Variants in ITFG2 observed in about 807,000 individuals in gnomAD.
The protein encoded by ITFG2 is KICSTOR complex protein ITFG2.
A neutral mutation model predicts 54.4 loss-of-function variants in ITFG2; 36 were observed. That is an observed-to-expected ratio of 0.66 (90% confidence interval 0.51 to 0.87). ITFG2 has a LOEUF of 0.87. Among genes scored for constraint, ITFG2 ranks in the 40% least tolerant of loss-of-function variants. ITFG2 has a pLI of 0.00. For synonymous variants in ITFG2, 211 were observed against 225.4 expected, an observed-to-expected ratio of 0.94 and a Z score of 0.57; for missense variants, 524 against 576.7, an observed-to-expected ratio of 0.91 and a Z score of 0.94.
chr12:2,853,464 G>T (rs534643347), intron 2 of ITFG2, among the ~76,000 whole-genome samples: 3 of 152,122 alleles, frequency 2.0e-5, no homozygotes, highest in African/African-American at 4.8e-5. Flanking sequence ...GTAGAGACGG[G>T]GTTTCACCAT....
downstream of ITFG2, chr12:2,827,151 C>T: frequency 6.2e-7 from 1 of 1,611,978 alleles, no homozygotes; most frequent in Non-Finnish European, 8.5e-7. The surrounding 1 kb of genome is among the most constrained non-coding windows in gnomAD (Gnocchi z 4.0). Context: ...CCGTTCCCCA[C>T]ACGCCTCTTC....
chr12:2,831,026 C>A, downstream of ITFG2: 1 of 579,870 alleles, frequency 1.7e-6, no homozygotes, highest in South Asian at 2.8e-5. Context: ...CAGAGTAAGC[C>A]CCAGTATCAA....
At chr12:2,859,284 T>A (rs1364187816) in intron 3 of ITFG2, 1 of 1,613,522 alleles carries the variant, frequency 6.2e-7, no homozygotes, top group Non-Finnish European at 8.5e-7. Context: ...AGGCAGTAGA[T>A]GCTGTTTTCT....
downstream of ITFG2, chr12:2,827,414 C>A (rs951179123): frequency 5.9e-6 from 9 of 1,519,436 alleles, no homozygotes; most frequent in African/African-American, 1.1e-4. The surrounding 1 kb of genome is among the most constrained non-coding windows in gnomAD (Gnocchi z 4.0). Flanking sequence ...TTTGCTCTTC[C>A]CCCATCCCCA....
intron 2 of ITFG2, among the ~76,000 whole-genome samples, chr12:2,842,979 G>T (rs946294183): frequency 6.6e-6 from 1 of 152,112 alleles, no homozygotes; most frequent in African/African-American, 2.4e-5. Context: ...CATGCCTTCA[G>T]AGATCTTTCC....
In ITFG2 at chr12:2,851,237, C is replaced by T. The variant is rs190884918; in HGVS notation, n.301-6775C>T. Among the ~76,000 whole-genome samples the T allele has an allele frequency of 3.9e-5, 6 of 152,062 alleles. No individual in the cohort carries two copies. In the East Asian group the frequency reaches 1.2e-3, roughly 29 times the overall value. ...GGAGTTTGCAAGACTGGAAGTTGCT[C>T]TGGGTGAGTGAGTGAGTGGAGAGTG... On this transcript the variant is annotated intron_variant and non_coding_transcript_variant, in intron 2 of 3. Coordinates refer to the ITFG2 transcript ENST00000537710.
downstream of ITFG2, chr12:2,828,436 G>C (rs763768091): frequency 1.3e-6 from 2 of 1,583,536 alleles, no homozygotes; most frequent in South Asian, 1.1e-5. Context: ...GAATCGTGGT[G>C]AATCAGTGAG....
downstream of ITFG2, chr12:2,827,821 T>C (rs1603483794): frequency 1.2e-6 from 2 of 1,603,970 alleles, no homozygotes; most frequent in African/African-American, 1.3e-5. The surrounding 1 kb of genome is among the most constrained non-coding windows in gnomAD (Gnocchi z 4.0). Context: ...TCAGAACATC[T>C]CTGGGAACTC....
At chr12:2,826,951 T>G, downstream of ITFG2, 1 of 1,311,260 alleles carries the variant, frequency 7.6e-7, no homozygotes, top group Non-Finnish European at 9.7e-7. Context: ...GGCTTTGCTT[T>G]TCTTGGGAGG....
intron 3 of ITFG2, chr12:2,859,099 TGGA>T (rs2098101548): frequency 4.4e-6 from 7 of 1,605,678 alleles, no homozygotes; most frequent in South Asian, 2.2e-5. Context: ...TTGCTCGGGG[TGGA>T]GGAGATGGGC....
upstream of ITFG2, chr12:2,834,641 C>G (rs1337513835): frequency 3.2e-6 from 5 of 1,585,118 alleles, no homozygotes; most frequent in African/African-American, 6.8e-5. Flanking sequence ...TGATGCCTCA[C>G]CAAGTCCTTG....
chr12:2,831,789 A>G (rs1294612032), downstream of ITFG2, among the ~76,000 whole-genome samples: 4 of 151,314 alleles, frequency 2.6e-5, no homozygotes, highest in Non-Finnish European at 5.9e-5. Context: ...TCAAGATGGG[A>G]TCTTGCTATG....
chr12:2,821,005 G>T lies in ITFG2; in HGVS notation c.695+133G>T, dbSNP rs902655098. 5.6e-5 allele frequency: 53 copies of T among 938,514 alleles called. No individual in the cohort carries two copies. In the African/African-American group the frequency reaches 8.0e-4, roughly 14 times the overall value. The allele number at this position is 938,514 out of a possible 1,614,324, so 58.1% of individuals were successfully genotyped here. Reference sequence around the variant, plus strand: ...TCTAGGTCCCAACCCAAGCACCTTTGCCCCACTGGGGAAGATTACTTTAAG... The same window carrying T: ...TCTAGGTCCCAACCCAAGCACCTTTTCCCCACTGGGGAAGATTACTTTAAG... On this transcript the variant is annotated intron_variant, in intron 6 of 11. Coordinates refer to ENST00000228799, the MANE Select transcript of ITFG2 (RefSeq NM_018463.4).
intron 2 of ITFG2, among the ~76,000 whole-genome samples, chr12:2,842,748 A>C (rs2098044521): frequency 1.3e-5 from 2 of 152,046 alleles, no homozygotes; most frequent in South Asian, 2.1e-4. Flanking sequence ...AACAAACAAA[A>C]AATTTTAATT....
At chr12:2,851,911 T>G (rs1291643308) in intron 2 of ITFG2, among the ~76,000 whole-genome samples, 1 of 152,048 alleles carries the variant, frequency 6.6e-6, no homozygotes, top group Non-Finnish European at 1.5e-5. Flanking sequence ...ACTCCTTACC[T>G]CAAGTGATCT....
At chr12:2,831,700 A>G (rs549169113), downstream of ITFG2, among the ~76,000 whole-genome samples, 49 of 152,214 alleles carry the variant, frequency 3.2e-4, no homozygotes, top group African/African-American at 1.1e-3. Context: ...AAATTCTATA[A>G]GTTTTGCCTC....
At chr12:2,834,198 G>A (rs1429006430), upstream of ITFG2, among the ~76,000 whole-genome samples, 1 of 152,216 alleles carries the variant, frequency 6.6e-6, no homozygotes, top group Non-Finnish European at 1.5e-5. Context: ...GACCCCCGAT[G>A]TTTTGATTCT....
intron 2 of ITFG2, among the ~76,000 whole-genome samples, chr12:2,851,765 ACCT>A (rs749692070): frequency 9.2e-5 from 14 of 151,506 alleles, no homozygotes; most frequent in Non-Finnish European, 1.8e-4. Flanking sequence ...TACAACTTCC[ACCT>A]CCCGGGTTCA....
intron 1 of ITFG2, among the ~76,000 whole-genome samples, chr12:2,815,049 C>T (rs1808467691): frequency 6.6e-6 from 1 of 151,842 alleles, no homozygotes; most frequent in South Asian, 2.1e-4. Context: ...TCTCGGCTCA[C>T]TGCAACCTCT....
Sources: gnomAD v4.1 joint callset for allele counts (sites outside exome capture counted in the v4.1 genomes callset) on GRCh38, gnomAD v4.1.1 for gene constraint, Gnocchi (gnomAD v3.1) non-coding constraint, MANE v1.5 for transcripts, NCBI Gene and HGNC (gene_info 2026-07-23, HGNC 2026-07-21) for gene names.